Variants in CPLX2 observed in about 807,000 individuals in gnomAD.
The protein encoded by CPLX2 is complexin-2.
A neutral mutation model predicts 16.3 loss-of-function variants in CPLX2; 5 were observed. The ratio of observed to expected loss-of-function variants is 0.31; its 90% CI spans 0.16 to 0.64. CPLX2 has a LOEUF of 0.64. Among genes scored for constraint, CPLX2 ranks in the 30% least tolerant of loss-of-function variants. The pLI, the probability that CPLX2 is intolerant of heterozygous loss-of-function variation, is 0.79. For missense variants in CPLX2, 144 were observed against 181.4 expected, an observed-to-expected ratio of 0.79 and a Z score of 1.18; for synonymous variants, 89 against 73.2, an observed-to-expected ratio of 1.22 and a Z score of -1.10.
intron 2 of CPLX2, among the ~76,000 whole-genome samples, chr5:175,820,678 G>T (rs930341035): frequency 5.3e-5 from 8 of 152,074 alleles, no homozygotes; most frequent in Non-Finnish European, 7.4e-5. Flanking sequence ...CACACAGCCC[G>T]TGTGACTGTC....
Position 175,872,141 on chromosome 5 carries a change from G to C in CPLX2, c.-89+436G>C, listed in dbSNP as rs1318747008. On this transcript the variant is annotated intron_variant, in intron 1 of 3. Coordinates refer to ENST00000393745, the MANE Select transcript of CPLX2 (RefSeq NM_001008220.2). The surrounding 1 kb of genome is among the most constrained non-coding windows in gnomAD (Gnocchi z 5.0). ...GCTGTGCTTAACCCGAAGCCCGCCG[G>C]AGCACGCTTCGCCCCGGAGGAGGGA... The C allele has an allele frequency of 6.6e-6, 1 of 152,282 alleles. No homozygotes were observed. The highest frequency in any genetic ancestry group is 2.4e-5 in the African/African-American group (1 of 41,448). 9.4% of individuals were successfully genotyped at this position (152,282 alleles called of 1,614,324 possible). A position where few individuals can be genotyped will look rare whatever the true frequency, so the allele number is the denominator to read the frequency against.
intron 2 of CPLX2, among the ~76,000 whole-genome samples, chr5:175,843,461 T>G (rs964810907): frequency 3.9e-5 from 6 of 152,236 alleles, no homozygotes; most frequent in Non-Finnish European, 8.8e-5. Flanking sequence ...GCTTACTATG[T>G]CATGTTGCAC....
At chr5:175,860,634 G>GGAAGGAAC (rs1255060783) in intron 2 of CPLX2, among the ~76,000 whole-genome samples, 7 of 151,154 alleles carry the variant, frequency 4.6e-5, no homozygotes, top group African/African-American at 1.5e-4. Context: ...AAGGAAGGAA[G>GGAAGGAAC]GAAGGAAGGG....
At chr5:175,848,369 T>C (rs1485017934) in intron 2 of CPLX2, among the ~76,000 whole-genome samples, 1 of 152,144 alleles carries the variant, frequency 6.6e-6, no homozygotes, top group Non-Finnish European at 1.5e-5. Flanking sequence ...GAGTTTTGTG[T>C]AGGAGTACAA....
chr5:175,839,057 A>G (rs1013312576), intron 2 of CPLX2, among the ~76,000 whole-genome samples: 1 of 152,070 alleles, frequency 6.6e-6, no homozygotes, highest in Non-Finnish European at 1.5e-5. Context: ...GGCACTCCAT[A>G]AGCATTTTTT....
upstream of CPLX2, among the ~76,000 whole-genome samples, chr5:175,868,829 G>A (rs779785338): frequency 4.6e-5 from 7 of 152,218 alleles, no homozygotes; most frequent in East Asian, 1.9e-4. Flanking sequence ...GCAGCCCCAC[G>A]TGCTGGAAGG....
intron 2 of CPLX2, among the ~76,000 whole-genome samples, chr5:175,816,018 T>C (rs1758400202): frequency 6.6e-6 from 1 of 152,244 alleles, no homozygotes; most frequent in African/African-American, 2.4e-5. Context: ...CTGTTGTGAC[T>C]TAATACAACA....
chr5:175,813,952 C>T (rs1453807330), intron 2 of CPLX2, among the ~76,000 whole-genome samples: 2 of 152,230 alleles, frequency 1.3e-5, no homozygotes, highest in Admixed American at 1.3e-4. Context: ...CTTCTATTTA[C>T]AGAACAGGAT....
intron 1 of CPLX2, among the ~76,000 whole-genome samples, chr5:175,800,824 T>C (rs966767674): frequency 1.2e-4 from 18 of 152,184 alleles, no homozygotes; most frequent in African/African-American, 4.3e-4. Flanking sequence ...CAGTCATTGA[T>C]AACAATTGAA....
intron 2 of CPLX2, among the ~76,000 whole-genome samples, chr5:175,828,372 C>T (rs1309125825): frequency 6.6e-6 from 1 of 152,128 alleles, no homozygotes; most frequent in Admixed American, 6.5e-5. Context: ...CTCTATTACC[C>T]AGCATCTGTA....
At chr5:175,833,181 A>C (rs145802454) in intron 2 of CPLX2, among the ~76,000 whole-genome samples, 1 of 149,986 alleles carries the variant, frequency 6.7e-6, no homozygotes, top group African/African-American at 2.5e-5. Context: ...AAAGAAAAGA[A>C]AGGAAAAGAA....
chr5:175,877,647 A>C (rs1221258052), intron 1 of CPLX2, among the ~76,000 whole-genome samples: 1 of 152,200 alleles, frequency 6.6e-6, no homozygotes, highest in Non-Finnish European at 1.5e-5. Context: ...TGGTTAAAAT[A>C]CAAAGAAAAT....
At chr5:175,801,548 C>T (rs1758097162) in intron 1 of CPLX2, among the ~76,000 whole-genome samples, 2 of 152,288 alleles carry the variant, frequency 1.3e-5, no homozygotes, top group South Asian at 4.1e-4. Context: ...GGTTCAAATC[C>T]CAGCCCTGCC....
chr5:175,859,270 C>T (rs756998394), intron 2 of CPLX2, among the ~76,000 whole-genome samples: 4 of 152,260 alleles, frequency 2.6e-5, no homozygotes, highest in Non-Finnish European at 5.9e-5. Flanking sequence ...AGTCCAAACA[C>T]ACTCTGAAAG....
intron 1 of CPLX2, chr5:175,878,182 A>C (rs2113714691): frequency 6.5e-6 from 1 of 152,806 alleles, no homozygotes; most frequent in East Asian, 1.9e-4. Context: ...GGGCTGATCC[A>C]GTGGCCCAGG....
At chr5:175,826,705 G>A (rs188013970) in intron 2 of CPLX2, among the ~76,000 whole-genome samples, 1 of 152,248 alleles carries the variant, frequency 6.6e-6, no homozygotes, top group African/African-American at 2.4e-5. Flanking sequence ...GGTGGGGAGA[G>A]AGGACCCACC....
At chr5:175,855,930 G>A (rs1369290793) in intron 2 of CPLX2, among the ~76,000 whole-genome samples, 2 of 152,174 alleles carry the variant, frequency 1.3e-5, no homozygotes, top group Non-Finnish European at 2.9e-5. Flanking sequence ...GACAACCTGC[G>A]TCTACCATAG....
At chr5:175,808,348 C>T (rs13436582) in intron 1 of CPLX2, among the ~76,000 whole-genome samples, 40,432 of 151,842 alleles carry the variant, frequency 0.27, 7,147 homozygotes, top group African/African-American at 0.51. Flanking sequence ...ACAATCTGCC[C>T]GGCCCCGTGC....
intron 2 of CPLX2, among the ~76,000 whole-genome samples, chr5:175,831,460 C>T (rs746363783): frequency 6.6e-6 from 1 of 152,220 alleles, no homozygotes; most frequent in Non-Finnish European, 1.5e-5. Flanking sequence ...TCCCTCCTGC[C>T]CTGACGCAGG....
Sources: allele counts gnomAD v4.1 joint callset (sites outside exome capture counted in the v4.1 genomes callset), GRCh38; gene constraint gnomAD v4.1.1; non-coding constraint Gnocchi (gnomAD v3.1); transcripts MANE v1.5; gene names NCBI Gene and HGNC (gene_info 2026-07-23, HGNC 2026-07-21).